ELMOD2: variants seen among roughly 807,000 people sequenced by gnomAD.
The protein encoded by ELMOD2 is ELMO domain containing 2.
In ELMOD2, 28 loss-of-function variants were observed where a neutral mutation model predicts 41.0. The observed-to-expected ratio is 0.68, with a 90% CI of 0.51 to 0.94. ELMOD2 has a LOEUF of 0.94. ELMOD2 is among the 40% of genes least tolerant of loss of function. The pLI is 0.00. For missense variants in ELMOD2, 333 were observed against 343.1 expected, an observed-to-expected ratio of 0.97 and a Z score of 0.23; for synonymous variants, 106 against 107.2, an observed-to-expected ratio of 0.99 and a Z score of 0.07.
chr4:140,537,997 A>C (rs1009919551), intron 5 of ELMOD2, among the ~76,000 whole-genome samples: 16 of 152,214 alleles, frequency 1.1e-4, no homozygotes, highest in Admixed American at 4.6e-4. Flanking sequence ...TTTGGGACTT[A>C]TGGAATGTTA....
intron 7 of ELMOD2, 139 bp downstream of exon 7, chr4:140,542,781 C>T (rs1027372700): frequency 3.3e-6 from 2 of 598,324 alleles, no homozygotes; most frequent in Admixed American, 7.6e-5. Flanking sequence ...TTACATGATA[C>T]ATTATTTTTA....
chr4:140,533,675 G>A (rs1022689358), intron 3 of ELMOD2, among the ~76,000 whole-genome samples: 1 of 152,058 alleles, frequency 6.6e-6, no homozygotes, highest in African/African-American at 2.4e-5. Flanking sequence ...AAAGGAATAG[G>A]CAGGCCACAG....
intron 1 of ELMOD2, chr4:140,524,690 A>G (rs893117096): frequency 1.0e-6 from 1 of 980,188 alleles, no homozygotes; most frequent in Admixed American, 6.1e-5. Flanking sequence ...TGTTTAAGGC[A>G]GGAAGGAGAC....
intron 5 of ELMOD2, among the ~76,000 whole-genome samples, chr4:140,538,708 C>T (rs1325703947): frequency 6.6e-6 from 1 of 152,150 alleles, no homozygotes; most frequent in Non-Finnish European, 1.5e-5. Context: ...AAATTCAGTT[C>T]TACACTACAC....
At chr4:140,542,459 G>A (rs1735136855) in intron 6 of ELMOD2, 115 bp from the exon 7 acceptor site, 1 of 685,102 alleles carries the variant, frequency 1.5e-6, no homozygotes, top group Admixed American at 3.0e-5. Context: ...CAGATATCAG[G>A]ATACTCATGG....
chr4:140,527,540 A>T, intron 3 of ELMOD2, 46 bp downstream of exon 3: 1 of 1,504,356 alleles, frequency 6.6e-7, no homozygotes, highest in African/African-American at 1.4e-5. Flanking sequence ...TAACGTGGAC[A>T]TATTTTTTCT....
At chr4:140,547,011 T>C (rs1735312298) in intron 8 of ELMOD2, among the ~76,000 whole-genome samples, 1 of 152,172 alleles carries the variant, frequency 6.6e-6, no homozygotes, top group Non-Finnish European at 1.5e-5. Context: ...CCCAAAAACT[T>C]CATTCTTATA....
At chr4:140,524,374 A>C (rs1734478218) in intron 1 of ELMOD2, 94 bp downstream of exon 1, 4 of 151,334 alleles carry the variant, frequency 2.6e-5, no homozygotes, top group Non-Finnish European at 5.8e-5. Context: ...TTCTGCGGGA[A>C]CCCGGGGGCG....
intron 3 of ELMOD2, among the ~76,000 whole-genome samples, chr4:140,529,405 A>G (rs1336718305): frequency 6.6e-6 from 1 of 152,186 alleles, no homozygotes; most frequent in Non-Finnish European, 1.5e-5. Flanking sequence ...CGACATTGTA[A>G]AGAGAGTAAA....
rs1291376309 is a variant in ELMOD2 at position 140,552,784 on chromosome 4, T to G, written c.*2409T>G. ...AGTAAATAGATGTTGAAATGAATTT[T>G]TGTATGTGCCAGGTTGAAGAGAGTG... is the stretch of plus-strand genomic sequence containing the variant. On this transcript the variant is annotated 3_prime_UTR_variant, in exon 9 of 9. Transcript: ENST00000323570. 6.6e-6 allele frequency: 1 copy of G among 152,110 alleles called. No homozygotes were observed. Among genetic ancestry groups the G allele is most frequent in the Admixed American group, 6.6e-5 (1 of 15,266 alleles). 9.4% of individuals were successfully genotyped at this position (152,110 alleles called of 1,614,324 possible). A position where few individuals can be genotyped will look rare whatever the true frequency, so the allele number is the denominator to read the frequency against.
At chr4:140,527,393 A>T in intron 2 of ELMOD2, 73 bp from the exon 3 acceptor site, 1 of 1,119,532 alleles carries the variant, frequency 8.9e-7, no homozygotes, top group Non-Finnish European at 1.3e-6. Context: ...TATTTTTACT[A>T]GTTGTTTATT....
rs2110892710 is a variant in ELMOD2, at chr4:140,551,763, T to G, written c.*1388T>G. 6.6e-6 allele frequency: 1 copy of G among 152,192 alleles called. No individual in the cohort carries two copies. The highest frequency in any genetic ancestry group is 1.9e-4 in the East Asian group (1 of 5,188). The allele number at this position is 152,192 out of a possible 1,614,324, so 9.4% of individuals were successfully genotyped here. A position where few individuals can be genotyped will look rare whatever the true frequency, so the allele number is the denominator to read the frequency against. ...TGATAGAGCAAGACCTGAGACTTTA[T>G]AAGTATTTGCTCGTGTCTGTTGACA... is the stretch of plus-strand genomic sequence containing the variant. On this transcript the variant is annotated 3_prime_UTR_variant, in exon 9 of 9. Coordinates refer to ENST00000323570, the MANE Select transcript of ELMOD2 (RefSeq NM_153702.4).
chr4:140,539,740 CTATCAG>C (rs1427344760), intron 5 of ELMOD2, among the ~76,000 whole-genome samples: 2 of 152,158 alleles, frequency 1.3e-5, no homozygotes, highest in Non-Finnish European at 2.9e-5. Flanking sequence ...AGTTGGAATG[CTATCAG>C]TATCATTTCT....
chr4:140,527,638 T>C (rs1204576951), intron 3 of ELMOD2, 144 bp downstream of exon 3: 4 of 624,532 alleles, frequency 6.4e-6, no homozygotes, highest in Admixed American at 3.7e-5. Flanking sequence ...ATATTCTGTT[T>C]TCAAACATTT....
chr4:140,535,440 T>G (rs1734888753), intron 3 of ELMOD2: 1 of 219,386 alleles, frequency 4.6e-6, no homozygotes, highest in Admixed American at 5.9e-5. Flanking sequence ...AAATATCTAC[T>G]TCGTAAACAC....
At chr4:140,540,040 ATTGAAAAATGTTCTAAAGTCT>A in intron 5 of ELMOD2, 107 bp from the exon 6 acceptor site, 1 of 1,098,824 alleles carries the variant, frequency 9.1e-7, no homozygotes, top group Admixed American at 2.8e-5. Flanking sequence ...TTTTAGGATA[ATTGAAAAATGTTCTAAAGTCT>A]TTGCTTAACC....
chr4:140,536,834 G>C (rs191474504), intron 4 of ELMOD2, among the ~76,000 whole-genome samples: 37 of 152,244 alleles, frequency 2.4e-4, no homozygotes, highest in Middle Eastern at 3.4e-3. Flanking sequence ...TACAGTAGGA[G>C]AAAGAGTGCT....
intron 3 of ELMOD2, among the ~76,000 whole-genome samples, chr4:140,533,168 A>G (rs948253551): frequency 2.6e-5 from 4 of 152,306 alleles, no homozygotes; most frequent in African/African-American, 7.2e-5. Context: ...TATGGATTCA[A>G]TGCAGTTCCA....
intron 3 of ELMOD2, among the ~76,000 whole-genome samples, chr4:140,528,833 T>C (rs1734651477): frequency 6.6e-6 from 1 of 152,200 alleles, no homozygotes; most frequent in African/African-American, 2.4e-5. Context: ...ACTCCTTTGT[T>C]CAGAATTGTT....
Sources: allele counts gnomAD v4.1 joint callset (sites outside exome capture counted in the v4.1 genomes callset), GRCh38; gene constraint gnomAD v4.1.1; transcripts MANE v1.5; gene names NCBI Gene and HGNC (gene_info 2026-07-23, HGNC 2026-07-21).